Variants in CHRM3 observed in about 807,000 individuals in gnomAD.
CHRM3 encodes cholinergic receptor muscarinic 3.
A neutral mutation model predicts 41.8 loss-of-function variants in CHRM3; 11 were observed. The observed-to-expected ratio is 0.26, with a 90% CI of 0.17 to 0.44. CHRM3 has a LOEUF of 0.44. Among genes scored for constraint, CHRM3 ranks in the 20% least tolerant of loss-of-function variants. The pLI is 1.00. For synonymous variants in CHRM3, 297 were observed against 301.4 expected (o/e 0.99, Z 0.15); for missense variants, 571 against 745.4 (o/e 0.77, Z 2.72).
In CHRM3 at chr1:239,806,434, ACACACACACC is replaced by A. The variant is rs1202505873; in HGVS notation, c.-146-20816_-146-20807del. 2.5e-3 allele frequency among the ~76,000 whole-genome samples: 386 copies of A among 151,966 alleles called. 3 individuals are homozygous for A. The East Asian group carries it at 0.036, about 14-fold the overall frequency. ...GATGGAGTTACACACACACACACAC[ACACACACACC>A]CCTGTGGACATCCAGAGATTGTAAT... On this transcript the variant is annotated intron_variant, in intron 5 of 6. Transcript: ENST00000676153.
At chr1:239,809,956 G>A (rs1188968293) in intron 5 of CHRM3, among the ~76,000 whole-genome samples, 1 of 152,224 alleles carries the variant, frequency 6.6e-6, no homozygotes, top group Non-Finnish European at 1.5e-5. Flanking sequence ...GTGTCTGCTC[G>A]ACTAAGGAGG....
At chr1:239,858,018 T>C (rs1369469595) in intron 6 of CHRM3, among the ~76,000 whole-genome samples, 1 of 152,206 alleles carries the variant, frequency 6.6e-6, no homozygotes, top group East Asian at 1.9e-4. Flanking sequence ...GTTCATACTT[T>C]AATAACATGG....
At chr1:239,775,011 A>G (rs1343243750) in intron 5 of CHRM3, among the ~76,000 whole-genome samples, 2 of 152,160 alleles carry the variant, frequency 1.3e-5, no homozygotes, top group African/African-American at 4.8e-5. Flanking sequence ...AAAAAGAACT[A>G]CTATATAGTC....
chr1:239,607,384 T>G (rs1666459778), intron 3 of CHRM3, among the ~76,000 whole-genome samples: 1 of 152,186 alleles, frequency 6.6e-6, no homozygotes. Context: ...AGTTGTCAAA[T>G]TCCCTTTTAA....
intron 6 of CHRM3, among the ~76,000 whole-genome samples, chr1:239,894,666 C>T: frequency 6.6e-6 from 1 of 152,030 alleles, no homozygotes; most frequent in Admixed American, 6.5e-5. Context: ...CTCATGCGCT[C>T]AAGTGATCAG....
chr1:239,583,405 G>A (rs1663093065), intron 3 of CHRM3, among the ~76,000 whole-genome samples: 1 of 152,156 alleles, frequency 6.6e-6, no homozygotes, highest in Non-Finnish European at 1.5e-5. Context: ...AATAGGAAAT[G>A]TCTCTGCTAT....
intron 1 of CHRM3, among the ~76,000 whole-genome samples, chr1:239,423,305 A>G (rs1434025572): frequency 6.6e-6 from 1 of 152,192 alleles, no homozygotes; most frequent in Non-Finnish European, 1.5e-5. Context: ...TATGCAATTA[A>G]GAAGTGAAAC....
chr1:239,491,809 C>T (rs2148067744), intron 1 of CHRM3, among the ~76,000 whole-genome samples: 1 of 152,288 alleles, frequency 6.6e-6, no homozygotes, highest in South Asian at 2.1e-4. Flanking sequence ...ATCAACAGTG[C>T]TGTTTCTATT....
intron 6 of CHRM3, among the ~76,000 whole-genome samples, chr1:239,844,910 C>T (rs561441576): frequency 6.6e-6 from 1 of 152,144 alleles, no homozygotes; most frequent in East Asian, 1.9e-4. Flanking sequence ...GAGAAGACGG[C>T]CAGAACTTTG....
At chr1:239,605,594 A>G (rs940866011) in intron 3 of CHRM3, among the ~76,000 whole-genome samples, 5 of 151,466 alleles carry the variant, frequency 3.3e-5, no homozygotes, top group Admixed American at 2.6e-4. Flanking sequence ...GAATGTGTTT[A>G]TGTTTGAAAA....
intron 2 of CHRM3, among the ~76,000 whole-genome samples, chr1:239,501,033 G>A (rs1196188614): frequency 2.6e-5 from 4 of 152,116 alleles, no homozygotes; most frequent in Non-Finnish European, 5.9e-5. Context: ...AGACAAAGAG[G>A]TACATTATAT....
intron 1 of CHRM3, among the ~76,000 whole-genome samples, chr1:239,461,249 A>G (rs974205406): frequency 1.3e-5 from 2 of 152,192 alleles, no homozygotes; most frequent in East Asian, 1.9e-4. Context: ...ATTTAAAATT[A>G]AATGCGCTTT....
At chr1:239,431,073 A>T (rs1662799732) in intron 1 of CHRM3, among the ~76,000 whole-genome samples, 1 of 152,150 alleles carries the variant, frequency 6.6e-6, no homozygotes, top group Non-Finnish European at 1.5e-5. Flanking sequence ...TTCACTGTGA[A>T]TGAGTGGAAA....
At chr1:239,596,341 G>A (rs1170363334) in intron 3 of CHRM3, among the ~76,000 whole-genome samples, 1 of 151,908 alleles carries the variant, frequency 6.6e-6, no homozygotes, top group Admixed American at 6.6e-5. Context: ...GTCCCTAAAA[G>A]TTTTATTTAA....
intron 3 of CHRM3, among the ~76,000 whole-genome samples, chr1:239,566,924 A>G (rs1345025809): frequency 1.3e-5 from 2 of 152,212 alleles, no homozygotes; most frequent in Admixed American, 1.3e-4. Flanking sequence ...GCAGAAATTT[A>G]CCAAATTAGA....
intron 5 of CHRM3, among the ~76,000 whole-genome samples, chr1:239,777,141 G>C (rs143483847): frequency 6.6e-6 from 1 of 152,300 alleles, no homozygotes; most frequent in Non-Finnish European, 1.5e-5. Flanking sequence ...TTCTAGAAAA[G>C]GTTGTATTCT....
At chr1:239,818,191 G>A (rs1671748368) in intron 5 of CHRM3, among the ~76,000 whole-genome samples, 1 of 152,066 alleles carries the variant, frequency 6.6e-6, no homozygotes, top group South Asian at 2.1e-4. Flanking sequence ...CTTCACATGA[G>A]TTTTCCTCTC....
chr1:239,885,844 G>A (rs1043126928), intron 6 of CHRM3, among the ~76,000 whole-genome samples: 3 of 152,122 alleles, frequency 2.0e-5, no homozygotes, highest in African/African-American at 7.2e-5. Context: ...ATGATCCCAG[G>A]GCACTGGGTG....
At chr1:239,548,346 T>C (rs1416792178) in intron 3 of CHRM3, among the ~76,000 whole-genome samples, 1 of 152,222 alleles carries the variant, frequency 6.6e-6, no homozygotes, top group African/African-American at 2.4e-5. Context: ...CCAAGTCTTA[T>C]TCCCTCACTT....
Sources: allele counts gnomAD v4.1 joint callset (sites outside exome capture counted in the v4.1 genomes callset), GRCh38; gene constraint gnomAD v4.1.1; transcripts MANE v1.5; gene names NCBI Gene and HGNC (gene_info 2026-07-23, HGNC 2026-07-21).